Variants in GAGE10 observed in about 807,000 individuals in gnomAD.
GAGE10 encodes the protein G antigen 10.
Under a neutral mutation model 11.5 loss-of-function variants are expected in GAGE10, and 9 were observed. The observed-to-expected ratio is 0.78, with a 90% CI of 0.47 to 1.37. The LOEUF is 1.37. Among genes scored for constraint, GAGE10 ranks in the 40% most tolerant of loss-of-function variants. The pLI is 0.00. For missense variants in GAGE10, 83 were observed against 92.9 expected (o/e 0.89, Z 0.44); for synonymous variants, 23 against 29.7 (o/e 0.77, Z 0.73).
intron 1 of GAGE10, among the ~76,000 whole-genome samples, 187 bp downstream of exon 1, chrX:49,303,940 T>C (rs2066346225): frequency 8.9e-6 from 1 of 111,898 alleles, no homozygotes; most frequent in Non-Finnish European, 1.9e-5. Context: ...GAGGTCGTCC[T>C]CCTTCTCTCA....
chrX:49,304,709 G>C lies in GAGE10; in HGVS notation c.-8-143G>C, dbSNP rs782393618. On this transcript the variant is annotated intron_variant, in intron 1 of 4. Coordinates refer to ENST00000407599, the MANE Select transcript of GAGE10 (RefSeq NM_001098413.4). ...AGTGGCTTTGTAGGCACTCAGAAAAGGTACACACATATGCTTAACTCTGGG... is the reference window on the plus strand; with the variant it reads ...AGTGGCTTTGTAGGCACTCAGAAAACGTACACACATATGCTTAACTCTGGG... 2,588 of 836,466 alleles carry C rather than the reference G, an allele frequency of 3.1e-3. 36 individuals are homozygous for C. In the African/African-American group the frequency reaches 0.046, roughly 15 times the overall value. 68.9% of individuals were successfully genotyped at this position (836,466 alleles called of 1,213,427 possible).
At chrX:49,311,950 C>T (rs1416856768) in intron 3 of GAGE10, among the ~76,000 whole-genome samples, 5 of 112,509 alleles carry the variant, frequency 4.4e-5, no homozygotes, top group Admixed American at 1.9e-4. Context: ...AAGAGGACAT[C>T]GTTGGCTGTC....
intron 3 of GAGE10, among the ~76,000 whole-genome samples, chrX:49,307,057 T>G (rs782419517): frequency 1.9e-4 from 21 of 112,044 alleles, no homozygotes; most frequent in Non-Finnish European, 3.2e-4. Flanking sequence ...TTGTCATATA[T>G]TCTTTTAAAT....
chrX:49,312,223 C>A (rs2066378103), intron 3 of GAGE10, among the ~76,000 whole-genome samples: 1 of 112,190 alleles, frequency 8.9e-6, no homozygotes, highest in African/African-American at 3.2e-5. Flanking sequence ...GCAGGGTATG[C>A]AGTAGTGACC....
chrX:49,310,394 C>T (rs1417228256), intron 3 of GAGE10, among the ~76,000 whole-genome samples: 2 of 111,487 alleles, frequency 1.8e-5, no homozygotes, highest in African/African-American at 3.3e-5. Flanking sequence ...CGGGTGTGAA[C>T]GCAGTCATGG....
intron 3 of GAGE10, among the ~76,000 whole-genome samples, chrX:49,308,488 A>G (rs1420943333): frequency 3.4e-4 from 38 of 111,964 alleles, no homozygotes; most frequent in East Asian, 2.8e-4. Context: ...TTCAGGTACC[A>G]CAGTAAGGAG....
At chrX:49,307,859 G>A (rs2066363014) in intron 3 of GAGE10, among the ~76,000 whole-genome samples, 1 of 111,886 alleles carries the variant, frequency 8.9e-6, no homozygotes, top group Admixed American at 9.5e-5. Flanking sequence ...TTCCCCTGAG[G>A]AAGAGAAAGA....
intron 3 of GAGE10, among the ~76,000 whole-genome samples, chrX:49,313,813 C>T (rs189939083): frequency 1.4e-3 from 156 of 111,258 alleles, no homozygotes; most frequent in Middle Eastern, 4.6e-3. Flanking sequence ...AATGCTCCTA[C>T]GGCAAAACCC....
At chrX:49,316,792 T>C (rs183754580) in intron 3 of GAGE10, among the ~76,000 whole-genome samples, 1 of 111,724 alleles carries the variant, frequency 9.0e-6, no homozygotes, top group Non-Finnish European at 1.9e-5. Flanking sequence ...AAACTCAGCA[T>C]TTATTGCTGG....
intron 3 of GAGE10, 145 bp from the exon 4 acceptor site, chrX:49,317,018 A>C: frequency 1.2e-6 from 1 of 816,934 alleles, no homozygotes; most frequent in Non-Finnish European, 1.7e-6. Flanking sequence ...GACTCCTGAA[A>C]TAATGTTCAT....
At position 49,317,158 on chromosome X, in the gene GAGE10, T is replaced by C. The variant is rs1381201854; in HGVS notation, c.203-5T>C. 1 of 1,200,616 alleles carries C rather than the reference T, an allele frequency of 8.3e-7. No individual in the cohort carries two copies. The highest frequency in any genetic ancestry group is 1.8e-5 in the South Asian group (1 of 56,556). ...TTAAATTGATATGTATTTTTTATTT[T>C]TAATGGCCGAAGCCTGAAGCTGATA... On this transcript the variant is annotated splice_polypyrimidine_tract_variant and splice_region_variant and intron_variant, in intron 3 of 4. Transcript: ENST00000407599.
rs368274409 is a variant in GAGE10 at position 49,317,144 on chromosome X, T to A, written c.203-19T>A. The A allele has an allele frequency of 1.0e-5, 12 of 1,186,874 alleles. No individual in the cohort carries two copies. Among genetic ancestry groups the A allele is most frequent in the Non-Finnish European group, 1.3e-5 (11 of 878,687 alleles). ...TCATGTTTTACTGCTTAAATTGATATGTATTTTTTATTTTTAATGGCCGAA... is the reference window on the plus strand; with the variant it reads ...TCATGTTTTACTGCTTAAATTGATAAGTATTTTTTATTTTTAATGGCCGAA... On this transcript the variant is annotated intron_variant, in intron 3 of 4. Coordinates refer to ENST00000407599, the MANE Select transcript of GAGE10 (RefSeq NM_001098413.4).
Position 49,306,755 on chromosome X carries a change from C to G in GAGE10, c.202+1231C>G, listed in dbSNP as rs2066358516. 2.7e-5 allele frequency among the ~76,000 whole-genome samples: 3 copies of G among 111,649 alleles called. No individual in the cohort carries two copies. In the Admixed American group the frequency reaches 2.9e-4, roughly 11 times the overall value. On this transcript the variant is annotated intron_variant, in intron 3 of 4. Coordinates refer to ENST00000407599, the MANE Select transcript of GAGE10 (RefSeq NM_001098413.4). ...CGCATAGTCCCAGCTACTTGGGAGTCTGAGGTGAGAGGATTGCTTGAGCCC... is the reference window on the plus strand; with the variant it reads ...CGCATAGTCCCAGCTACTTGGGAGTGTGAGGTGAGAGGATTGCTTGAGCCC...
rs1333562904 is a variant in GAGE10 at position 49,310,113 on chromosome X, A to G, written c.202+4589A>G. Among the ~76,000 whole-genome samples, 3 of 112,231 alleles carry G rather than the reference A, an allele frequency of 2.7e-5. No homozygotes were observed. In the Admixed American group the frequency reaches 2.8e-4, roughly 11 times the overall value. On this transcript the variant is annotated intron_variant, in intron 3 of 4. Coordinates refer to ENST00000407599, the MANE Select transcript of GAGE10 (RefSeq NM_001098413.4). Reference sequence around the variant, plus strand: ...ACTTTGTGAGGCATTTTGGGTGTACACTCCGTTTAACCCCAAGGCTGCTGA... The same window carrying G: ...ACTTTGTGAGGCATTTTGGGTGTACGCTCCGTTTAACCCCAAGGCTGCTGA...
chrX:49,309,814 G>C (rs2066369984), intron 3 of GAGE10, among the ~76,000 whole-genome samples: 1 of 111,282 alleles, frequency 9.0e-6, no homozygotes, highest in African/African-American at 3.3e-5. Flanking sequence ...CACAGAAGGA[G>C]AAATCAGAGC....
At chrX:49,306,863 C>G (rs781801223) in intron 3 of GAGE10, among the ~76,000 whole-genome samples, 13 of 111,347 alleles carry the variant, frequency 1.2e-4, no homozygotes, top group Admixed American at 2.9e-4. Context: ...AAACAGATAA[C>G]TAAAGGTTTC....
chrX:49,308,548 G>T (rs1197436217), intron 3 of GAGE10, among the ~76,000 whole-genome samples: 1 of 112,392 alleles, frequency 8.9e-6, no homozygotes, highest in African/African-American at 3.2e-5. Context: ...AGGGGAGCTT[G>T]ATCACCTCCC....
At chrX:49,307,709 T>A (rs1296821098) in intron 3 of GAGE10, among the ~76,000 whole-genome samples, 1 of 112,282 alleles carries the variant, frequency 8.9e-6, no homozygotes, top group African/African-American at 3.2e-5. Context: ...TTGTCCAGGC[T>A]GGTCTTGAAC....
chrX:49,307,467 C>CT (rs200464505), intron 3 of GAGE10, among the ~76,000 whole-genome samples: 1 of 85,027 alleles, frequency 1.2e-5, no homozygotes, highest in Non-Finnish European at 2.7e-5. Context: ...CAGACAATTT[C>CT]TTTTTTCCTT....
Sources: gnomAD v4.1 joint callset for allele counts (sites outside exome capture counted in the v4.1 genomes callset) on GRCh38, gnomAD v4.1.1 for gene constraint, MANE v1.5 for transcripts, NCBI Gene and HGNC (gene_info 2026-07-23, HGNC 2026-07-21) for gene names.